PDE12: variants seen among roughly 807,000 people sequenced by gnomAD.
PDE12 encodes the protein 2',5'-phosphodiesterase 12.
PDE12 carries 26 observed loss-of-function variants against 45.4 expected under a neutral mutation model. The observed-to-expected ratio is 0.57, with a 90% CI of 0.42 to 0.79. The LOEUF (loss-of-function observed/expected upper bound fraction) is 0.79. Ranked by LOEUF, PDE12 falls within the 30% of genes least tolerant of loss-of-function variation. The pLI is 0.00. For missense variants in PDE12, 668 were observed against 790.0 expected, an observed-to-expected ratio of 0.85 and a Z score of 1.85; for synonymous variants, 283 against 323.9, an observed-to-expected ratio of 0.87 and a Z score of 1.36.
the PDE12 span, among the ~76,000 whole-genome samples, chr3:57,621,850 T>C: frequency 1.3e-5 from 2 of 150,702 alleles, no homozygotes; most frequent in South Asian, 2.1e-4. Context: ...TTGCAATGCA[T>C]GTATCTGAAA....
At chr3:57,589,705 G>A in the PDE12 span, among the ~76,000 whole-genome samples, 260 of 146,378 alleles carry the variant, frequency 1.8e-3, no homozygotes, top group African/African-American at 6.0e-3. Context: ...GCAACAAAGC[G>A]AGACTCCGTC....
chr3:57,604,805 G>T, the PDE12 span, among the ~76,000 whole-genome samples: 2 of 151,724 alleles, frequency 1.3e-5, no homozygotes, highest in Non-Finnish European at 2.9e-5. Context: ...TAGAGATGGG[G>T]TCTTGCTTTG....
the PDE12 span, among the ~76,000 whole-genome samples, chr3:57,591,471 CT>C: frequency 7.9e-4 from 112 of 142,034 alleles, no homozygotes; most frequent in Middle Eastern, 3.5e-3. Flanking sequence ...CTTTTCTTTT[CT>C]TTTTTTTTTT....
the PDE12 span, chr3:57,641,616 T>G: frequency 6.4e-7 from 1 of 1,563,444 alleles, no homozygotes; most frequent in Non-Finnish European, 8.7e-7. Flanking sequence ...TCAGCAACAC[T>G]GCACACTAGA....
Position 57,561,518 on chromosome 3 carries a change from A to G in PDE12, c.*1514A>G. On this transcript the variant is annotated 3_prime_UTR_variant, in exon 3 of 3. Coordinates refer to ENST00000311180, the MANE Select transcript of PDE12 (RefSeq NM_177966.7). ...TTATACTGATTAGTGTCTAGCCTAG[A>G]GTGGTAACCATGCTTTACTAATTCA... 1 of 984,832 alleles carries G rather than the reference A, an allele frequency of 1.0e-6. No homozygotes were observed. Among genetic ancestry groups the G allele is most frequent in the Non-Finnish European group, 1.2e-6 (1 of 829,318 alleles). 61.0% of individuals were successfully genotyped at this position (984,832 alleles called of 1,614,324 possible). A position where few individuals can be genotyped will look rare whatever the true frequency, so the allele number is the denominator to read the frequency against.
the PDE12 span, chr3:57,628,219 T>C: frequency 6.2e-7 from 1 of 1,612,426 alleles, no homozygotes; most frequent in South Asian, 1.1e-5. Context: ...AAATATCATG[T>C]CATGCCCGTT....
chr3:57,613,770 A>G, the PDE12 span, among the ~76,000 whole-genome samples: 4 of 151,710 alleles, frequency 2.6e-5, no homozygotes, highest in South Asian at 2.1e-4. Flanking sequence ...GCATGGTGGC[A>G]GGCACCTGTA....
At chr3:57,602,818 G>A in the PDE12 span, among the ~76,000 whole-genome samples, 24,608 of 151,210 alleles carry the variant, frequency 0.16, 2,662 homozygotes, top group East Asian at 0.48. Context: ...TAATCCACCC[G>A]CCTCGGTCTC....
At chr3:57,593,206 G>A in the PDE12 span, among the ~76,000 whole-genome samples, 2 of 151,880 alleles carry the variant, frequency 1.3e-5, no homozygotes, top group East Asian at 1.9e-4. Flanking sequence ...GCAAAACCCT[G>A]TCTCAAAAAA....
the PDE12 span, chr3:57,577,477 G>A: frequency 1.1e-6 from 1 of 951,490 alleles, no homozygotes; most frequent in Non-Finnish European, 1.7e-6. Context: ...CCAATGGTTA[G>A]ACATTAGGAA....
At chr3:57,621,724 C>G in the PDE12 span, among the ~76,000 whole-genome samples, 1 of 150,196 alleles carries the variant, frequency 6.7e-6, no homozygotes, top group Non-Finnish European at 1.5e-5. Context: ...GGTAAGAACA[C>G]AACACTTAAA....
the PDE12 span, among the ~76,000 whole-genome samples, chr3:57,589,843 A>C: frequency 6.6e-6 from 1 of 152,090 alleles, no homozygotes. Context: ...CTGAAATCCC[A>C]GCACTTTAGG....
the PDE12 span, chr3:57,571,858 G>GT: frequency 5.3e-6 from 1 of 189,796 alleles, no homozygotes; most frequent in Non-Finnish European, 1.1e-5. Flanking sequence ...AATGATAAAG[G>GT]TATCAGTAAA....
chr3:57,644,173 A>G, the PDE12 span, among the ~76,000 whole-genome samples: 2 of 151,666 alleles, frequency 1.3e-5, no homozygotes, highest in East Asian at 1.9e-4. Context: ...AAAAACTATC[A>G]GTCTGAAATC....
In PDE12 at chr3:57,559,352, T is replaced by C; in HGVS notation, c.1351T>C (p.Cys451Arg). The C allele has an allele frequency of 1.2e-6, 2 of 1,613,202 alleles. No individual in the cohort carries two copies. The highest frequency in any genetic ancestry group is 1.7e-6 in the Non-Finnish European group (2 of 1,179,136). The change falls in exon 2 of 3, where the codon TGT (cysteine) becomes CGT (arginine). Residue 451 changes from cysteine to arginine, a missense_variant. This residue lies in a region of PDE12 where 580 missense variants were observed against 662.9 expected (regional missense o/e 0.87). Transcript: ENST00000311180. ...QSTKDSSKRI[C>R]VANTHLYWHP... is the part of the protein sequence containing the mutation. ...TACAAAGGACTCTTCTAAAAGGATA[T>C]GTGTTGCTAATACCCATCTTTACTG... is the stretch of plus-strand genomic sequence containing the variant.
At chr3:57,584,538 T>C in the PDE12 span, 5 of 1,340,694 alleles carry the variant, frequency 3.7e-6, no homozygotes, top group East Asian at 7.0e-5. Context: ...AATAAATTTA[T>C]AGTTCAAAAC....
At chr3:57,596,987 G>A in the PDE12 span, 2 of 1,419,274 alleles carry the variant, frequency 1.4e-6, no homozygotes, top group Middle Eastern at 1.8e-4. Flanking sequence ...CACAGCGGGC[G>A]GAGGAAAAAA....
the PDE12 span, among the ~76,000 whole-genome samples, chr3:57,586,016 T>C: frequency 1.3e-5 from 2 of 152,140 alleles, no homozygotes; most frequent in Non-Finnish European, 2.9e-5. Flanking sequence ...AGGAATGTGT[T>C]TGCTTGTGAA....
At chr3:57,637,458 T>A in the PDE12 span, among the ~76,000 whole-genome samples, 6 of 152,152 alleles carry the variant, frequency 3.9e-5, no homozygotes, top group African/African-American at 1.2e-4. Flanking sequence ...GAGAGCAAAA[T>A]CTTAATTCTG....
Sources: allele counts gnomAD v4.1 joint callset (sites outside exome capture counted in the v4.1 genomes callset), GRCh38; gene constraint gnomAD v4.1.1; regional missense constraint gnomAD v4.1.1; transcripts MANE v1.5; gene names NCBI Gene and HGNC (gene_info 2026-07-23, HGNC 2026-07-21).